The following CTNNA3 variants were observed in gnomAD, a reference collection of about 807,000 sequenced individuals.
The protein encoded by CTNNA3 is catenin alpha 3, also known as catenin alpha-3.
CTNNA3 carries 76 observed loss-of-function variants against 95.7 expected under a neutral mutation model. That is an observed-to-expected ratio of 0.79 (90% CI 0.66 to 0.96). The LOEUF is 0.96. Among genes scored for constraint, CTNNA3 ranks in the 40% least tolerant of loss-of-function variants. The pLI, the probability that CTNNA3 is intolerant of heterozygous loss-of-function variation, is 0.00. For missense variants in CTNNA3, 1,191 were observed against 1,089.8 expected (o/e 1.09, Z -1.31); for synonymous variants, 431 against 374.4 (o/e 1.15, Z -1.74).
intron 7 of CTNNA3, among the ~76,000 whole-genome samples, chr10:66,955,716 C>A (rs1848754934): frequency 6.6e-6 from 1 of 152,108 alleles, no homozygotes; most frequent in Admixed American, 6.6e-5. Flanking sequence ...TGGAGATCAG[C>A]CTCCATTGTT....
At chr10:67,102,245 T>C (rs1260766649) in intron 7 of CTNNA3, among the ~76,000 whole-genome samples, 2 of 151,794 alleles carry the variant, frequency 1.3e-5, no homozygotes, top group African/African-American at 2.4e-5. Context: ...TTCAAAATTC[T>C]GATTTACCCC....
At chr10:66,060,525 A>C (rs1170562940) in intron 15 of CTNNA3, among the ~76,000 whole-genome samples, 1 of 152,150 alleles carries the variant, frequency 6.6e-6, no homozygotes, top group Non-Finnish European at 1.5e-5. Flanking sequence ...TAACAAACTC[A>C]AAAGCAGATG....
intron 1 of CTNNA3, among the ~76,000 whole-genome samples, chr10:67,689,642 CTTG>C (rs1281153819): frequency 3.9e-5 from 6 of 152,226 alleles, no homozygotes; most frequent in Non-Finnish European, 5.9e-5. Context: ...GGTCAACCAA[CTTG>C]TTGTTGGGAC....
chr10:67,362,414 G>A (rs1843022164), intron 5 of CTNNA3, among the ~76,000 whole-genome samples: 1 of 152,066 alleles, frequency 6.6e-6, no homozygotes, highest in African/African-American at 2.4e-5. Context: ...ACATCAAAAA[G>A]TTATTTCACC....
chr10:67,308,665 G>T (rs1261097481), intron 5 of CTNNA3, among the ~76,000 whole-genome samples: 1 of 152,084 alleles, frequency 6.6e-6, no homozygotes, highest in Admixed American at 6.5e-5. Context: ...CCATTTAAGA[G>T]GACTGAGCAT....
chr10:66,552,278 C>A (rs1029090857), intron 10 of CTNNA3, among the ~76,000 whole-genome samples: 3 of 152,078 alleles, frequency 2.0e-5, no homozygotes, highest in Admixed American at 6.5e-5. Flanking sequence ...TGGAGCTTTT[C>A]TTTTTGGTTC....
At chr10:67,357,128 C>T (rs1842838869) in intron 5 of CTNNA3, among the ~76,000 whole-genome samples, 1 of 152,044 alleles carries the variant, frequency 6.6e-6, no homozygotes, top group African/African-American at 2.4e-5. Flanking sequence ...TTCATACACC[C>T]ACTAGTGTAA....
At chr10:67,598,011 CCAGA>C (rs1342559062) in intron 3 of CTNNA3, among the ~76,000 whole-genome samples, 6 of 152,176 alleles carry the variant, frequency 3.9e-5, no homozygotes, top group African/African-American at 1.2e-4. Context: ...GTGGATGCAG[CCAGA>C]CAGAGACCTT....
At chr10:66,453,973 G>A (rs2131830741) in intron 11 of CTNNA3, among the ~76,000 whole-genome samples, 1 of 152,260 alleles carries the variant, frequency 6.6e-6, no homozygotes, top group African/African-American at 2.4e-5. Flanking sequence ...CCTAAAGATA[G>A]GGAGCTTATC....
chr10:66,042,626 G>A (rs571766344), intron 15 of CTNNA3, among the ~76,000 whole-genome samples: 69 of 152,000 alleles, frequency 4.5e-4, no homozygotes, highest in Non-Finnish European at 7.2e-4. Flanking sequence ...ACAGCCAGGC[G>A]CAGCAGCTCA....
chr10:66,622,187 T>C (rs1844774031), intron 9 of CTNNA3, among the ~76,000 whole-genome samples: 2 of 152,140 alleles, frequency 1.3e-5, no homozygotes, highest in South Asian at 4.1e-4. Flanking sequence ...TTCCCAGAGG[T>C]CTATTACTCA....
intron 5 of CTNNA3, among the ~76,000 whole-genome samples, chr10:67,305,768 A>G (rs1840528902): frequency 1.3e-5 from 2 of 152,202 alleles, no homozygotes; most frequent in African/African-American, 4.8e-5. Context: ...AGCAGACTCA[A>G]TAGGACCTGG....
At chr10:67,073,144 T>C (rs1043893995) in intron 7 of CTNNA3, among the ~76,000 whole-genome samples, 2 of 152,216 alleles carry the variant, frequency 1.3e-5, no homozygotes, top group Admixed American at 6.5e-5. Flanking sequence ...AAATTTTAGT[T>C]CTTTTAGTCC....
In CTNNA3 at chr10:67,166,780, T is replaced by C. The variant is rs562232495; in HGVS notation, c.1047+13537A>G. Among the ~76,000 whole-genome samples, 298 of 152,320 alleles carry C rather than the reference T, an allele frequency of 2.0e-3. 3 individuals carry two copies. Among genetic ancestry groups the C allele is most frequent in the African/African-American group, 6.8e-3 (283 of 41,566 alleles). On this transcript the variant is annotated intron_variant, in intron 7 of 17. Coordinates refer to ENST00000433211, the MANE Select transcript of CTNNA3 (RefSeq NM_013266.4). ...AGTATTATGATTATCTATTATTGTG[T>C]AAGAAGCCATTGCAAAACCTAATGT...
intron 14 of CTNNA3, among the ~76,000 whole-genome samples, chr10:66,077,749 C>T (rs1364685370): frequency 3.3e-5 from 5 of 151,716 alleles, no homozygotes; most frequent in East Asian, 1.9e-4. Flanking sequence ...AGAAAGCTGA[C>T]GTGAATATCC....
chr10:66,276,529 A>G (rs1255047644), intron 13 of CTNNA3, among the ~76,000 whole-genome samples: 1 of 152,152 alleles, frequency 6.6e-6, no homozygotes, highest in Non-Finnish European at 1.5e-5. Flanking sequence ...TTATGTGCAG[A>G]ATTATAATAC....
intron 12 of CTNNA3, among the ~76,000 whole-genome samples, chr10:66,358,348 T>C (rs943185602): frequency 3.3e-5 from 5 of 151,832 alleles, no homozygotes; most frequent in African/African-American, 7.3e-5. Context: ...CCAGGAAATA[T>C]GGGGAAAAAA....
intron 5 of CTNNA3, among the ~76,000 whole-genome samples, chr10:67,366,465 A>AC (rs1160767012): frequency 2.0e-5 from 3 of 152,064 alleles, no homozygotes; most frequent in Admixed American, 6.5e-5. Context: ...ACATGGTGAA[A>AC]CCCCGTCTCT....
chr10:66,146,753 C>T (rs2083906870), intron 13 of CTNNA3, among the ~76,000 whole-genome samples: 1 of 152,086 alleles, frequency 6.6e-6, no homozygotes, highest in Non-Finnish European at 1.5e-5. Context: ...TACAGCATTT[C>T]ACCATGATGC....
Sources: gnomAD v4.1 joint callset for allele counts (sites outside exome capture counted in the v4.1 genomes callset) on GRCh38, gnomAD v4.1.1 for gene constraint, MANE v1.5 for transcripts, NCBI Gene and HGNC (gene_info 2026-07-23, HGNC 2026-07-21) for gene names.